Variants in ANKS1B observed in about 807,000 individuals in gnomAD.
ANKS1B encodes ankyrin repeat and sterile alpha motif domain containing 1B.
In ANKS1B, 36 loss-of-function variants were observed where a neutral mutation model predicts 148.3. That is an observed-to-expected ratio of 0.24 (90% CI 0.19 to 0.32). ANKS1B has a LOEUF of 0.32. Among genes scored for constraint, ANKS1B ranks in the 10% least tolerant of loss-of-function variants. The probability of loss-of-function intolerance (pLI) is 1.00; values close to 1 mark genes in which losing one functional copy is unlikely to be tolerated. For missense variants in ANKS1B, 1,157 were observed against 1,542.6 expected, an observed-to-expected ratio of 0.75 and a Z score of 4.19; for synonymous variants, 542 against 560.8, an observed-to-expected ratio of 0.97 and a Z score of 0.47.
intron 8 of ANKS1B, among the ~76,000 whole-genome samples, chr12:99,760,888 A>G (rs919558974): frequency 6.6e-6 from 1 of 151,502 alleles, no homozygotes; most frequent in African/African-American, 2.4e-5. Flanking sequence ...CGAAATACAA[A>G]AAAAACCCTC....
chr12:98,895,832 T>G (rs1288881051), intron 17 of ANKS1B, among the ~76,000 whole-genome samples: 2 of 152,254 alleles, frequency 1.3e-5, no homozygotes, highest in Non-Finnish European at 2.9e-5. Context: ...TTATGCCAAT[T>G]AAATCCGACC....
At chr12:99,297,322 T>C (rs370257397) in intron 12 of ANKS1B, among the ~76,000 whole-genome samples, 23 of 152,330 alleles carry the variant, frequency 1.5e-4, no homozygotes, top group African/African-American at 5.3e-4. Context: ...CCTATCCATG[T>C]TGCAAAGGTA....
intron 9 of ANKS1B, among the ~76,000 whole-genome samples, chr12:99,654,670 G>T (rs916322151): frequency 2.4e-4 from 37 of 152,042 alleles, no homozygotes; most frequent in Admixed American, 2.6e-4. Context: ...ATGCTCCATT[G>T]TGATGTGAAA....
intron 11 of ANKS1B, among the ~76,000 whole-genome samples, chr12:99,438,652 T>C (rs924453369): frequency 5.3e-5 from 8 of 151,912 alleles, no homozygotes; most frequent in African/African-American, 1.9e-4. Context: ...CTACATAAAA[T>C]GTATAAAACA....
At chr12:99,638,615 A>G (rs1321243912) in intron 9 of ANKS1B, among the ~76,000 whole-genome samples, 3 of 152,174 alleles carry the variant, frequency 2.0e-5, no homozygotes, top group Non-Finnish European at 4.4e-5. Flanking sequence ...GCAGCCTGAC[A>G]ATGTGGTAGA....
chr12:99,362,423 A>G lies in ANKS1B; in HGVS notation c.1756+37208T>C, dbSNP rs1182859801. On this transcript the variant is annotated intron_variant, in intron 12 of 26. Transcript: ENST00000683438. ...CAACTGAGGTTTAGAAACATAAAAT[A>G]CATTGCCCAAACTAAGTGGCTAAAG... 3.9e-5 allele frequency among the ~76,000 whole-genome samples: 6 copies of G among 152,018 alleles called. No individual in the cohort carries two copies. The East Asian group carries it at 7.7e-4, about 19-fold the overall frequency.
In ANKS1B at chr12:99,253,132, T is replaced by C. The variant is rs530779834; in HGVS notation, c.1757-6268A>G. 2.0e-5 allele frequency among the ~76,000 whole-genome samples: 3 copies of C among 151,846 alleles called. No individual in the cohort carries two copies. The South Asian group carries it at 6.2e-4, about 32-fold the overall frequency. ...GTTCCAGCTACTCAGGAGACTGAGA[T>C]GGGAGGATTGCTTGAGCCCAGGAGT... On this transcript the variant is annotated intron_variant, in intron 12 of 26. Coordinates refer to ENST00000683438, the MANE Select transcript of ANKS1B (RefSeq NM_001352186.2).
At chr12:98,965,505 C>T (rs2099877071) in intron 17 of ANKS1B, among the ~76,000 whole-genome samples, 1 of 152,130 alleles carries the variant, frequency 6.6e-6, no homozygotes, top group Admixed American at 6.6e-5. Context: ...ACTCTGATTT[C>T]TATGCTTTTT....
At chr12:99,514,237 T>C (rs571786933) in intron 9 of ANKS1B, among the ~76,000 whole-genome samples, 5 of 152,160 alleles carry the variant, frequency 3.3e-5, no homozygotes, top group African/African-American at 1.2e-4. Flanking sequence ...AATAAATGCA[T>C]AAATTACCAT....
At chr12:99,851,328 T>C (rs929963489) in intron 1 of ANKS1B, among the ~76,000 whole-genome samples, 1 of 152,028 alleles carries the variant, frequency 6.6e-6, no homozygotes, top group Non-Finnish European at 1.5e-5. Context: ...TACTCCCTCA[T>C]TCCCTCCAGT....
At chr12:98,739,807 T>C (rs1216599804), downstream of ANKS1B, among the ~76,000 whole-genome samples, 2 of 152,122 alleles carry the variant, frequency 1.3e-5, no homozygotes, top group African/African-American at 2.4e-5. Flanking sequence ...ATAATACTTA[T>C]CTTTCGTCCC....
chr12:99,949,627 A>T (rs2095162388), intron 1 of ANKS1B, among the ~76,000 whole-genome samples: 1 of 152,214 alleles, frequency 6.6e-6, no homozygotes, highest in African/African-American at 2.4e-5. Flanking sequence ...TACAGTCAAC[A>T]ACAACAACAA....
At chr12:99,333,864 T>TG (rs2088151981) in intron 12 of ANKS1B, among the ~76,000 whole-genome samples, 1 of 149,712 alleles carries the variant, frequency 6.7e-6, no homozygotes, top group African/African-American at 2.5e-5. Context: ...GTTTTTTTTT[T>TG]TTTTTTTTTT....
chr12:99,583,277 C>G (rs2097588366), intron 9 of ANKS1B, among the ~76,000 whole-genome samples: 1 of 152,024 alleles, frequency 6.6e-6, no homozygotes, highest in South Asian at 2.1e-4. Flanking sequence ...AGTGTGTGAG[C>G]TGAGTAATGA....
At chr12:99,254,208 G>A (rs1403542299) in intron 12 of ANKS1B, among the ~76,000 whole-genome samples, 1 of 152,192 alleles carries the variant, frequency 6.6e-6, no homozygotes. Flanking sequence ...TTGGTTGCAC[G>A]GTGGTTCTGT....
intron 12 of ANKS1B, among the ~76,000 whole-genome samples, chr12:99,385,595 T>G (rs1011387369): frequency 1.3e-5 from 2 of 152,218 alleles, no homozygotes; most frequent in Non-Finnish European, 2.9e-5. Context: ...TAATTTGATA[T>G]AAGGCAACCT....
intron 1 of ANKS1B, among the ~76,000 whole-genome samples, chr12:99,851,865 C>A (rs2087915410): frequency 6.6e-6 from 1 of 152,160 alleles, no homozygotes; most frequent in African/African-American, 2.4e-5. Context: ...ATTCAGAACC[C>A]TTCAGAGATT....
chr12:99,705,403 G>A (rs1308508137), intron 8 of ANKS1B, among the ~76,000 whole-genome samples: 1 of 151,996 alleles, frequency 6.6e-6, no homozygotes, highest in Non-Finnish European at 1.5e-5. Flanking sequence ...CTTAAAAGAG[G>A]GATTTCCTAG....
intron 1 of ANKS1B, among the ~76,000 whole-genome samples, chr12:99,880,834 T>C (rs959911773): frequency 6.6e-6 from 1 of 152,232 alleles, no homozygotes; most frequent in East Asian, 1.9e-4. Flanking sequence ...AAGTTCTTAA[T>C]TAACTAAGCA....
Sources: gnomAD v4.1 joint callset for allele counts (sites outside exome capture counted in the v4.1 genomes callset) on GRCh38, gnomAD v4.1.1 for gene constraint, MANE v1.5 for transcripts, NCBI Gene and HGNC (gene_info 2026-07-23, HGNC 2026-07-21) for gene names.